The following NFATC1 variants were observed in gnomAD, a reference collection of about 807,000 sequenced individuals.
The protein encoded by NFATC1 is nuclear factor of activated T-cells, cytoplasmic 1.
In NFATC1, 22 loss-of-function variants were observed where a neutral mutation model predicts 76.0. That is an observed-to-expected ratio of 0.29 (90% CI 0.21 to 0.41). The LOEUF (loss-of-function observed/expected upper bound fraction) is 0.41. NFATC1 is among the 10% of genes least tolerant of loss of function. NFATC1 has a pLI of 1.00. For synonymous variants in NFATC1, 704 were observed against 613.1 expected (o/e 1.15, Z -2.19); for missense variants, 1,357 against 1,337.7 (o/e 1.01, Z -0.23).
At chr18:79,442,240 G>A (rs1051500301) in intron 3 of NFATC1, among the ~76,000 whole-genome samples, 7 of 152,240 alleles carry the variant, frequency 4.6e-5, no homozygotes, top group Non-Finnish European at 8.8e-5. Context: ...CCGCGTGCAC[G>A]TGTGGAGACT....
chr18:79,495,626 C>G (rs1259550029), intron 9 of NFATC1, among the ~76,000 whole-genome samples: 2 of 152,188 alleles, frequency 1.3e-5, no homozygotes, highest in Non-Finnish European at 2.9e-5. Flanking sequence ...TATTTTGTGC[C>G]GAAGAAAATT....
rs1014665776 is a variant in NFATC1, at chr18:79,524,426, C to G, written c.2783-3102C>G. On this transcript the variant is annotated intron_variant, in intron 9 of 9. Transcript: ENST00000427363. The surrounding 1 kb of genome is among the most constrained non-coding windows in gnomAD (Gnocchi z 7.2). The stretch of plus-strand genomic sequence containing the variant: ...CTCTGCTGAGTGGTGTCAGGGTTGT[C>G]CATCCCGCTCTCTGTCAGCTGCTGC... Among the ~76,000 whole-genome samples the G allele has an allele frequency of 6.6e-6, 1 of 152,200 alleles. No homozygotes were observed. Among genetic ancestry groups the G allele is most frequent in the Non-Finnish European group, 1.5e-5 (1 of 68,024 alleles).
chr18:79,400,134 C>T, intron 1 of NFATC1: 1 of 960,110 alleles, frequency 1.0e-6, no homozygotes. Context: ...GTCGCGCGCG[C>T]GCGAGGGGGC....
At chr18:79,402,389 A>C (rs1192685497) in intron 1 of NFATC1, 1 of 984,998 alleles carries the variant, frequency 1.0e-6, no homozygotes, top group Non-Finnish European at 1.2e-6. Flanking sequence ...TGGGTTCAGG[A>C]CACAGTCCTC....
chr18:79,402,160 G>C (rs1286866316), intron 1 of NFATC1, among the ~76,000 whole-genome samples: 1 of 152,132 alleles, frequency 6.6e-6, no homozygotes, highest in Non-Finnish European at 1.5e-5. Flanking sequence ...GAAGGACACC[G>C]CCGGCGGCGG....
intron 9 of NFATC1, among the ~76,000 whole-genome samples, chr18:79,491,513 CCTGA>C (rs1038045205): frequency 6.6e-6 from 1 of 152,156 alleles, no homozygotes; most frequent in Non-Finnish European, 1.5e-5. Flanking sequence ...CAGACACACC[CCTGA>C]CTATCTGTAA....
intron 9 of NFATC1, among the ~76,000 whole-genome samples, chr18:79,509,429 G>A (rs750046641): frequency 1.3e-5 from 2 of 152,220 alleles, no homozygotes; most frequent in Non-Finnish European, 2.9e-5. Context: ...GACAGTGGGC[G>A]GCGAGGGGGT....
At chr18:79,408,962 CCAT>C (rs1307695022) in intron 1 of NFATC1, among the ~76,000 whole-genome samples, 2 of 135,716 alleles carry the variant, frequency 1.5e-5, no homozygotes, top group South Asian at 2.9e-4. Context: ...ATCCATCCAT[CCAT>C]CATCATCCAT....
At chr18:79,436,739 C>T (rs1302024615) in intron 3 of NFATC1, among the ~76,000 whole-genome samples, 1 of 151,840 alleles carries the variant, frequency 6.6e-6, no homozygotes, top group Non-Finnish European at 1.5e-5. Context: ...GTGAGGGGGT[C>T]CGGCATCCGG....
chr18:79,400,027 T>C (rs2085133968), intron 1 of NFATC1, among the ~76,000 whole-genome samples: 1 of 150,138 alleles, frequency 6.7e-6, no homozygotes, highest in African/African-American at 2.4e-5. Flanking sequence ...AGGTACCTGG[T>C]GCCGCTCGTG....
chr18:79,438,226 C>T (rs1267227927), intron 3 of NFATC1, among the ~76,000 whole-genome samples: 1 of 152,216 alleles, frequency 6.6e-6, no homozygotes, highest in Non-Finnish European at 1.5e-5. Flanking sequence ...CTCTCTTTGC[C>T]GTGGACTGCA....
intron 6 of NFATC1, among the ~76,000 whole-genome samples, chr18:79,452,621 A>C (rs1193837054): frequency 6.6e-6 from 1 of 152,210 alleles, no homozygotes; most frequent in Non-Finnish European, 1.5e-5. Context: ...AGTGGGCTGC[A>C]CTGATGGGAA....
At chr18:79,440,038 T>A (rs928477412) in intron 3 of NFATC1, among the ~76,000 whole-genome samples, 3 of 152,156 alleles carry the variant, frequency 2.0e-5, no homozygotes, top group Non-Finnish European at 4.4e-5. Context: ...GTTCCACAGC[T>A]CCACTGCCTG....
Position 79,527,813 on chromosome 18 carries a change from G to A in NFATC1, c.*236G>A. The A allele has an allele frequency of 3.5e-6, 2 of 573,740 alleles. No individual in the cohort carries two copies. The highest frequency in any genetic ancestry group is 2.4e-5 in the South Asian group (1 of 41,648). The allele number at this position is 573,740 out of a possible 1,614,324, so 35.5% of individuals were successfully genotyped here. A position where few individuals can be genotyped will look rare whatever the true frequency, so the allele number is the denominator to read the frequency against. Reference sequence around the variant, plus strand: ...AGTCATCTCATGACAACAGAAGGGAGGTGGCCGGGCTGAGCACGGGAGACC... The same window carrying A: ...AGTCATCTCATGACAACAGAAGGGAAGTGGCCGGGCTGAGCACGGGAGACC... On this transcript the variant is annotated 3_prime_UTR_variant, in exon 10 of 10. Transcript: ENST00000427363.
chr18:79,451,026 G>T lies in NFATC1; in HGVS notation c.1662G>T (p.Gly554=). The change falls in exon 5 of 10, where the codon GGG becomes GGT. Residue 554 remains glycine (G), a synonymous_variant. Transcript: ENST00000427363. ...IELRKGETDI[G]RKNTRVRLVF... is the part of the protein sequence containing the mutation. The stretch of plus-strand genomic sequence containing the variant: ...TTCGGAAAGGAGAGACGGACATCGG[G>T]AGGAAGAACACACGGGTACGGCTGG... 2 of 1,613,894 alleles carry T rather than the reference G, an allele frequency of 1.2e-6. No individual in the cohort carries two copies. The highest frequency in any genetic ancestry group is 3.3e-5 in the Admixed American group (2 of 60,034).
chr18:79,526,258 C>T (rs771794564), intron 9 of NFATC1, among the ~76,000 whole-genome samples: 34 of 152,342 alleles, frequency 2.2e-4, no homozygotes, highest in Middle Eastern at 3.4e-3. Flanking sequence ...TGAAGAGTCA[C>T]ACGGAGGGGC....
intron 1 of NFATC1, among the ~76,000 whole-genome samples, chr18:79,406,216 A>G (rs1290682740): frequency 1.3e-5 from 2 of 152,270 alleles, no homozygotes; most frequent in African/African-American, 2.4e-5. Flanking sequence ...AGCAAATGGT[A>G]GTTCAGCTGT....
chr18:79,521,806 G>T, intron 9 of NFATC1, among the ~76,000 whole-genome samples: 1 of 2,436 alleles, frequency 4.1e-4, no homozygotes, highest in Non-Finnish European at 9.6e-4. Context: ...TGTGTGTGGG[G>T]GGGGGCATCC....
intron 2 of NFATC1, among the ~76,000 whole-genome samples, chr18:79,428,922 T>C (rs149051867): frequency 6.6e-6 from 1 of 152,282 alleles, no homozygotes; most frequent in African/African-American, 2.4e-5. Context: ...AAAATGTTTA[T>C]AGAAATACAC....
Sources: gnomAD v4.1 joint callset for allele counts (sites outside exome capture counted in the v4.1 genomes callset) on GRCh38, gnomAD v4.1.1 for gene constraint, Gnocchi (gnomAD v3.1) non-coding constraint, MANE v1.5 for transcripts, NCBI Gene and HGNC (gene_info 2026-07-23, HGNC 2026-07-21) for gene names.